CRB2: variants seen among roughly 807,000 people sequenced by gnomAD.
CRB2 encodes the protein protein crumbs homolog 2.
CRB2 carries 85 observed loss-of-function variants against 110.9 expected under a neutral mutation model. The ratio of observed to expected loss-of-function variants is 0.77; its 90% CI spans 0.64 to 0.92. CRB2 has a LOEUF of 0.92. Ranked by LOEUF, CRB2 falls within the 40% of genes least tolerant of loss-of-function variation. The pLI is 0.00. For synonymous variants in CRB2, 907 were observed against 831.0 expected (o/e 1.09, Z -1.57); for missense variants, 1,843 against 1,851.3 (o/e 1.00, Z 0.08).
chr9:123,363,626 T>C, intron 2 of CRB2, among the ~76,000 whole-genome samples: 1 of 152,120 alleles, frequency 6.6e-6, no homozygotes, highest in East Asian at 1.9e-4. Flanking sequence ...ACACTCCTGA[T>C]GTGGTCTGGA....
chr9:123,376,962 A>G lies in CRB2; in HGVS notation c.3758A>G (p.Gln1253Arg). Residue 1253 changes from glutamine (Q) to arginine (R), a missense_variant, in exon 13 of 13, where the codon CAG becomes CGG. By Grantham distance (43) the Gln-to-Arg change is conservative. Coordinates refer to ENST00000373631, the MANE Select transcript of CRB2 (RefSeq NM_173689.7). ...SGILAARKRR[Q>R]SEGTYSPSQQ... ...ATCCTGGCAGCCCGAAAGCGCCGCCAGTCTGAGGGCACCTACAGCCCAAGC... is the reference window on the plus strand; with the variant it reads ...ATCCTGGCAGCCCGAAAGCGCCGCCGGTCTGAGGGCACCTACAGCCCAAGC... 1 of 1,608,154 alleles carries G rather than the reference A, an allele frequency of 6.2e-7. No individual in the cohort carries two copies. Among genetic ancestry groups the G allele is most frequent in the East Asian group, 2.2e-5 (1 of 44,678 alleles).
chr9:123,370,084 A>G (rs1159849107), intron 6 of CRB2, 24 bp from the exon 7 acceptor site: 2 of 1,562,514 alleles, frequency 1.3e-6, no homozygotes, highest in Middle Eastern at 1.7e-4. Context: ...ACATTACTGA[A>G]CCTTGGCTTT....
rs768791123 is a variant in CRB2 at position 123,373,195 on chromosome 9, G to T, written c.2664G>T (p.Ser888=). 1 of 1,513,778 alleles carries T rather than the reference G, an allele frequency of 6.6e-7. No individual in the cohort carries two copies. Among genetic ancestry groups the T allele is most frequent in the Non-Finnish European group, 8.8e-7 (1 of 1,137,470 alleles). 93.8% of individuals were successfully genotyped at this position (1,513,778 alleles called of 1,614,324 possible). Residue 888 remains serine (S), a synonymous_variant, in exon 10 of 13, where the codon TCG becomes TCT. Transcript: ENST00000373631. ...CCGCGTTCAGCGGGCACAACGCGTCGTCAGGGCGCTTGCTCGGCGGCCTGT... is the reference window on the plus strand; with the variant it reads ...CCGCGTTCAGCGGGCACAACGCGTCTTCAGGGCGCTTGCTCGGCGGCCTGT... ...PPAAFSGHNA[S]SGRLLGGLSL...
In CRB2 at chr9:123,370,815, C is replaced by CTGAGG; in HGVS notation, c.1762_1763insTGAGG (p.His588LeufsTer111). The CTGAGG allele has an allele frequency of 6.2e-7, 1 of 1,604,110 alleles. No individual in the cohort carries two copies. On this transcript the variant is annotated frameshift_variant, in exon 7 of 13. Transcript: ENST00000373631. LOFTEE classifies it high-confidence loss of function. ...CCTCCAGGACGTGCGTGTGGATGGC[C>CTGAGG]ACCTCCTGCTGCCTGAGGATCTCGG...
chr9:123,379,786 G>C (rs1435891555), downstream of CRB2: 2 of 152,420 alleles, frequency 1.3e-5, no homozygotes, highest in Non-Finnish European at 2.9e-5. Context: ...GCACAGCCAG[G>C]GGGCCTTGGG....
chr9:123,373,624 C>T lies in CRB2; in HGVS notation c.3093C>T (p.Pro1031=), dbSNP rs1380644719. 3.7e-6 allele frequency: 5 copies of T among 1,362,186 alleles called. No individual in the cohort carries two copies. Among genetic ancestry groups the T allele is most frequent in the African/African-American group, 1.5e-5 (1 of 65,294 alleles). 84.4% of individuals were successfully genotyped at this position (1,362,186 alleles called of 1,614,324 possible). A position where few individuals can be genotyped will look rare whatever the true frequency, so the allele number is the denominator to read the frequency against. ...CCCTGCCCTTGGCGCGGCCCCGGCC[C>T]GGCGCGGCCCCTGGCGCCCGAGAGC... ...GLPLPLARPR[P]GAAPGAREHF... The change falls in exon 10 of 13, where the codon CCC becomes CCT. Residue 1031 remains proline (P), a synonymous_variant. Transcript: ENST00000373631.
rs1428419021 is a variant in CRB2 at position 123,373,770 on chromosome 9, G to T, written c.3239G>T (p.Cys1080Phe). 1.9e-6 allele frequency: 3 copies of T among 1,590,772 alleles called. No homozygotes were observed. Among genetic ancestry groups the T allele is most frequent in the South Asian group, 1.1e-5 (1 of 89,996 alleles). Reference protein sequence around the residue: ...ACRDLFDAFACACGPGWEGPR... With the variant: ...ACRDLFDAFAFACGPGWEGPR... ...CGTGACCTCTTCGACGCCTTTGCCTGCGCCTGCGGCCCGGGGTGGGAAGGC... is the reference window on the plus strand; with the variant it reads ...CGTGACCTCTTCGACGCCTTTGCCTTCGCCTGCGGCCCGGGGTGGGAAGGC... Residue 1080 changes from cysteine (C) to phenylalanine (F), a missense_variant, in exon 10 of 13, where the codon TGC (cysteine) becomes TTC (phenylalanine). Physicochemically the swap from Cys to Phe is radical, Grantham distance 205. Coordinates refer to ENST00000373631, the MANE Select transcript of CRB2 (RefSeq NM_173689.7).
chr9:123,362,161 T>G (rs1588205365), intron 1 of CRB2, among the ~76,000 whole-genome samples: 1 of 151,872 alleles, frequency 6.6e-6, no homozygotes, highest in African/African-American at 2.4e-5. Flanking sequence ...GGGTGGGTAG[T>G]GATGTGGAGA....
chr9:123,367,421 ACCC>A (rs1554782974), intron 5 of CRB2, 64 bp downstream of exon 5: 2 of 608,084 alleles, frequency 3.3e-6, no homozygotes, highest in Non-Finnish European at 4.4e-6. Flanking sequence ...TCTTGTGCCC[ACCC>A]CCCCACCCCC....
intron 1 of CRB2, among the ~76,000 whole-genome samples, chr9:123,357,551 C>T (rs564987960): frequency 1.3e-5 from 2 of 151,582 alleles, no homozygotes; most frequent in African/African-American, 2.4e-5. Flanking sequence ...AACCAAGGCT[C>T]AGAGAGGGAC....
intron 1 of CRB2, among the ~76,000 whole-genome samples, chr9:123,361,049 C>G (rs1033848232): frequency 3.9e-5 from 6 of 151,904 alleles, no homozygotes; most frequent in African/African-American, 1.5e-4. Flanking sequence ...TCCCCCGCCC[C>G]CCAGGATCCT....
chr9:123,375,423 CA>C (rs1334483832), intron 12 of CRB2, 80 bp downstream of exon 12: 16 of 1,443,512 alleles, frequency 1.1e-5, no homozygotes, highest in Non-Finnish European at 1.5e-5. Flanking sequence ...GAGAGCGCAG[CA>C]CCATGGGGCT....
intron 12 of CRB2, among the ~76,000 whole-genome samples, chr9:123,375,963 C>T (rs992062831): frequency 6.6e-6 from 1 of 152,280 alleles, no homozygotes; most frequent in South Asian, 2.1e-4. Flanking sequence ...GGGGAGCAGC[C>T]TTGATCTCTA....
chr9:123,369,891 A>C (rs558951461), intron 6 of CRB2, among the ~76,000 whole-genome samples: 1 of 152,004 alleles, frequency 6.6e-6, no homozygotes, highest in African/African-American at 2.4e-5. Context: ...TAGGAGATTA[A>C]ATCTACAGGG....
chr9:123,377,236 G>A lies in CRB2; in HGVS notation c.*174G>A. The A allele has an allele frequency of 1.6e-6, 1 of 637,016 alleles. No individual in the cohort carries two copies. The highest frequency in any genetic ancestry group is 2.8e-5 in the East Asian group (1 of 35,748). 39.5% of individuals were successfully genotyped at this position (637,016 alleles called of 1,614,324 possible). A position where few individuals can be genotyped will look rare whatever the true frequency, so the allele number is the denominator to read the frequency against. ...TGGAGGACGAGGGGAGCAACTCAGG[G>A]AAACAGAGGCCTAGAGAGGCTGCGG... On this transcript the variant is annotated 3_prime_UTR_variant, in exon 13 of 13. Coordinates refer to ENST00000373631, the MANE Select transcript of CRB2 (RefSeq NM_173689.7).
chr9:123,376,298 G>A (rs2042102313), intron 12 of CRB2, among the ~76,000 whole-genome samples: 1 of 152,188 alleles, frequency 6.6e-6, no homozygotes, highest in Admixed American at 6.5e-5. Context: ...CAGAGTCCCA[G>A]GCATGTAGAG....
chr9:123,362,738 T>G (rs751678912), intron 1 of CRB2, 127 bp from the exon 2 acceptor site: 376 of 868,292 alleles, frequency 4.3e-4, no homozygotes, highest in Non-Finnish European at 6.2e-4. Flanking sequence ...CCCCTGGCCC[T>G]CTGTCCATAC....
chr9:123,372,170 C>A lies in CRB2; in HGVS notation c.2437-7C>A. ...CTGAGCCAACCCCTGCCCTGCCTCTCCCACAGCCTGACCCCTGTTTCAATG... is the reference window on the plus strand; with the variant it reads ...CTGAGCCAACCCCTGCCCTGCCTCTACCACAGCCTGACCCCTGTTTCAATG... On this transcript the variant is annotated splice_region_variant and splice_polypyrimidine_tract_variant and intron_variant, in intron 8 of 12. Transcript: ENST00000373631. 1 of 1,614,022 alleles carries A rather than the reference C, an allele frequency of 6.2e-7. No individual in the cohort carries two copies. The highest frequency in any genetic ancestry group is 2.2e-5 in the East Asian group (1 of 44,886).
chr9:123,377,098 C>G lies in CRB2; in HGVS notation c.*36C>G. ...CTGCTGGCACCAGCACCTGGAGGTC[C>G]TGAATGGTTTCTACCTGGAGACCCA... is the stretch of plus-strand genomic sequence containing the variant. On this transcript the variant is annotated 3_prime_UTR_variant, in exon 13 of 13. Coordinates refer to ENST00000373631, the MANE Select transcript of CRB2 (RefSeq NM_173689.7). 6.7e-7 allele frequency: 1 copy of G among 1,486,568 alleles called. No individual in the cohort carries two copies. Among genetic ancestry groups the G allele is most frequent in the Non-Finnish European group, 9.0e-7 (1 of 1,112,762 alleles). 92.1% of individuals were successfully genotyped at this position (1,486,568 alleles called of 1,614,324 possible).
Sources: gnomAD v4.1 joint callset for allele counts (sites outside exome capture counted in the v4.1 genomes callset) on GRCh38, gnomAD v4.1.1 for gene constraint, MANE v1.5 for transcripts, NCBI Gene and HGNC (gene_info 2026-07-23, HGNC 2026-07-21) for gene names.